EIF2AK4: variants seen among roughly 807,000 people sequenced by gnomAD.
The protein encoded by EIF2AK4 is eIF-2-alpha kinase GCN2.
Under a neutral mutation model 211.1 loss-of-function variants are expected in EIF2AK4, and 139 were observed. The observed-to-expected ratio is 0.66, with a 90% CI of 0.57 to 0.76. The LOEUF (loss-of-function observed/expected upper bound fraction) is 0.76, where lower values mean the gene tolerates loss of function less well. EIF2AK4 is among the 30% of genes least tolerant of loss of function. The probability of loss-of-function intolerance (pLI) is 0.00; values close to 1 mark genes in which losing one functional copy is unlikely to be tolerated. For synonymous variants in EIF2AK4, 710 were observed against 751.3 expected (o/e 0.94, Z 0.90); for missense variants, 1,664 against 2,043.8 (o/e 0.81, Z 3.58).
chr15:40,014,537 T>C (rs2035279570), intron 27 of EIF2AK4, among the ~76,000 whole-genome samples: 1 of 152,212 alleles, frequency 6.6e-6, no homozygotes, highest in Non-Finnish European at 1.5e-5. Context: ...TGGAGCAGCT[T>C]AGACACAGGG....
chr15:40,025,070 G>C (rs938591680), intron 32 of EIF2AK4, among the ~76,000 whole-genome samples: 2 of 152,184 alleles, frequency 1.3e-5, no homozygotes, highest in East Asian at 3.9e-4. Context: ...CTACCCTCAA[G>C]AATTCGTGGT....
At chr15:40,000,903 C>T in intron 20 of EIF2AK4, 85 bp from the exon 21 acceptor site, 1 of 1,365,136 alleles carries the variant, frequency 7.3e-7, no homozygotes, top group Non-Finnish European at 1.0e-6. Context: ...TTTTCTTTGA[C>T]CTGAACTGAC....
rs1422829906 is a variant in EIF2AK4 at position 39,967,470 on chromosome 15, A to G, written c.1144A>G (p.Ile382Val). 2.5e-6 allele frequency: 4 copies of G among 1,614,020 alleles called. No individual in the cohort carries two copies. The highest frequency in any genetic ancestry group is 1.7e-5 in the Admixed American group (1 of 59,998). Reference sequence around the variant, plus strand: ...CGTGGTGGACATTTTAGTGGAGCACATTAGTGGGGTCTCTCTTGCTGCACA... The same window carrying G: ...CGTGGTGGACATTTTAGTGGAGCACGTTAGTGGGGTCTCTCTTGCTGCACA... Reference protein sequence around the residue: ...SIVVDILVEHISGVSLAAHLS... With the variant: ...SIVVDILVEHVSGVSLAAHLS... The change falls in exon 9 of 39, where the codon ATT becomes GTT. Residue 382 changes from isoleucine to valine, a missense_variant. Physicochemically the swap from Ile to Val is conservative, Grantham distance 29. Around this residue, in one of 7 missense-constraint regions of EIF2AK4, gnomAD observed 641 missense variants for 729.6 expected, o/e 0.88. Transcript: ENST00000263791.
In EIF2AK4 at chr15:40,013,264, G is replaced by A. The variant is rs577923836; in HGVS notation, c.3759+1918G>A. ...AGTTCACTGTAACCTCAAGCTCTTG[G>A]GCTCAAGAGATCTTTCTGCCTCAGC... On this transcript the variant is annotated intron_variant, in intron 27 of 38. Transcript: ENST00000263791. Among the ~76,000 whole-genome samples, 23 of 152,104 alleles carry A rather than the reference G, an allele frequency of 1.5e-4. No homozygotes were observed. The South Asian group carries it at 4.8e-3, about 32-fold the overall frequency.
At chr15:39,984,981 T>C (rs1210968419) in intron 13 of EIF2AK4, among the ~76,000 whole-genome samples, 2 of 152,256 alleles carry the variant, frequency 1.3e-5, no homozygotes, top group Non-Finnish European at 2.9e-5. Flanking sequence ...TGATACTGGC[T>C]GTAGGTTTGT....
At chr15:39,947,463 C>A (rs756322437) in intron 3 of EIF2AK4, among the ~76,000 whole-genome samples, 1 of 152,172 alleles carries the variant, frequency 6.6e-6, no homozygotes, top group Non-Finnish European at 1.5e-5. Flanking sequence ...TAAGTATACT[C>A]TATTTTTTCA....
At chr15:39,955,579 A>G (rs2034378326) in intron 5 of EIF2AK4, 41 bp from the exon 6 acceptor site, 1 of 1,576,260 alleles carries the variant, frequency 6.3e-7, no homozygotes, top group Non-Finnish European at 8.6e-7. Flanking sequence ...TCTTCCATGT[A>G]TGACTTACAT....
chr15:39,996,984 G>C lies in EIF2AK4; in HGVS notation c.2787G>C (p.Leu929=). The C allele has an allele frequency of 1.9e-6, 3 of 1,613,762 alleles. No homozygotes were observed. Among genetic ancestry groups the C allele is most frequent in the Non-Finnish European group, 1.7e-6 (2 of 1,179,740 alleles). Residue 929 remains leucine (L), a synonymous_variant, in exon 19 of 39, where the codon CTG becomes CTC. Coordinates refer to ENST00000263791, the MANE Select transcript of EIF2AK4 (RefSeq NM_001013703.4). ...AYNQKVDLFS[L]GIIFFEMSYH... ...CTCAGAAAGTGGATCTCTTCAGCCT[G>C]GGAATTATCTTCTTTGAGATGTCCT...
rs192086237 is a variant in EIF2AK4, at chr15:39,955,662, T to C, written c.637T>C (p.Ser213Pro). 3 of 1,611,958 alleles carry C rather than the reference T, an allele frequency of 1.9e-6. No individual in the cohort carries two copies. Among genetic ancestry groups the C allele is most frequent in the Non-Finnish European group, 2.5e-6 (3 of 1,179,466 alleles). The part of the protein sequence containing the change: ...IASLSNQDHT[S>P]KKDPGGHRTA... Reference sequence around the variant, plus strand: ...TAGTTTGTCAAACCAAGATCATACCTCTAAGAAGGACCCAGGAGGACACAG... The same window carrying C: ...TAGTTTGTCAAACCAAGATCATACCCCTAAGAAGGACCCAGGAGGACACAG... The change falls in exon 6 of 39, where the codon TCT (serine) becomes CCT (proline). Residue 213 changes from serine (S) to proline (P), a missense_variant. Around this residue, in one of 7 missense-constraint regions of EIF2AK4, gnomAD observed 641 missense variants for 729.6 expected, o/e 0.88. Transcript: ENST00000263791.
At chr15:39,978,427 G>A in intron 13 of EIF2AK4, 1 of 197,814 alleles carries the variant, frequency 5.1e-6, no homozygotes, top group South Asian at 1.7e-4. Context: ...AAGGGTTTGG[G>A]AAACTTTATA....
intron 7 of EIF2AK4, among the ~76,000 whole-genome samples, chr15:39,963,552 T>A (rs2034501627): frequency 6.6e-6 from 1 of 152,222 alleles, no homozygotes; most frequent in South Asian, 2.1e-4. Flanking sequence ...GATTAACTAC[T>A]AATTTTTTTA....
chr15:39,974,979 C>T (rs1047397464), intron 11 of EIF2AK4: 3 of 152,204 alleles, frequency 2.0e-5, no homozygotes, highest in African/African-American at 4.8e-5. Flanking sequence ...CAACCCAGTT[C>T]GTATATGATG....
At position 40,032,056 on chromosome 15, in the gene EIF2AK4, C is replaced by T. The variant is rs1294690557; in HGVS notation, c.4660-113C>T. 1.7e-5 allele frequency: 16 copies of T among 926,734 alleles called. No individual in the cohort carries two copies. In the South Asian group the frequency reaches 2.2e-4, roughly 12 times the overall value. 57.4% of individuals were successfully genotyped at this position (926,734 alleles called of 1,614,324 possible). Reference sequence around the variant, plus strand: ...CAAACCTTTAGACACCATTTGGAATCCTTTCTAGGCTTTGGTATGTAACCC... The same window carrying T: ...CAAACCTTTAGACACCATTTGGAATTCTTTCTAGGCTTTGGTATGTAACCC... On this transcript the variant is annotated intron_variant, in intron 35 of 38. Coordinates refer to ENST00000263791, the MANE Select transcript of EIF2AK4 (RefSeq NM_001013703.4).
intron 28 of EIF2AK4, 79 bp downstream of exon 28, chr15:40,016,751 C>A (rs757862208): frequency 5.2e-5 from 78 of 1,492,288 alleles, no homozygotes; most frequent in Non-Finnish European, 6.8e-5. Flanking sequence ...TTTCATTTCA[C>A]TAATGCTAGT....
At position 40,034,407 on chromosome 15, in the gene EIF2AK4, G is replaced by C. The variant is rs1318868978; in HGVS notation, c.4855G>C (p.Val1619Leu). The change falls in exon 38 of 39, where the codon GTC becomes CTC. Residue 1619 changes from valine (V) to leucine (L), a missense_variant. Transcript: ENST00000263791. ...GCCAAAGCAAAGATACCTCAAATTAGTCTGTGATGAAATTTATAACATCAA... is the reference window on the plus strand; with the variant it reads ...GCCAAAGCAAAGATACCTCAAATTACTCTGTGATGAAATTTATAACATCAA... ...RLPKQRYLKL[V>L]CDEIYNIKVE... 2 of 1,613,902 alleles carry C rather than the reference G, an allele frequency of 1.2e-6. No individual in the cohort carries two copies. Among genetic ancestry groups the C allele is most frequent in the Non-Finnish European group, 1.7e-6 (2 of 1,179,968 alleles).
At chr15:39,962,726 T>A (rs1421489415) in intron 7 of EIF2AK4, among the ~76,000 whole-genome samples, 1 of 152,218 alleles carries the variant, frequency 6.6e-6, no homozygotes, top group Non-Finnish European at 1.5e-5. Flanking sequence ...TATGCCTTAT[T>A]TAGAAGTTTT....
intron 31 of EIF2AK4, chr15:40,021,866 C>T (rs2035392344): frequency 1.3e-5 from 2 of 152,482 alleles, no homozygotes; most frequent in African/African-American, 4.8e-5. Flanking sequence ...CATCACCTGC[C>T]AGGAGGCTTC....
At chr15:40,023,070 A>G (rs1395152654) in intron 32 of EIF2AK4, among the ~76,000 whole-genome samples, 1 of 152,172 alleles carries the variant, frequency 6.6e-6, no homozygotes, top group African/African-American at 2.4e-5. Context: ...AAAATAAGGA[A>G]GAGAGTCCAC....
chr15:40,019,760 C>T (rs1056716023), intron 30 of EIF2AK4, among the ~76,000 whole-genome samples: 14 of 152,200 alleles, frequency 9.2e-5, no homozygotes, highest in African/African-American at 3.4e-4. Context: ...AGGTTGAAGA[C>T]TTCTGCCTTA....
Sources: allele counts gnomAD v4.1 joint callset (sites outside exome capture counted in the v4.1 genomes callset), GRCh38; gene constraint gnomAD v4.1.1; regional missense constraint gnomAD v4.1.1; transcripts MANE v1.5; gene names NCBI Gene and HGNC (gene_info 2026-07-23, HGNC 2026-07-21).